SPMIP2: variants seen among roughly 807,000 people sequenced by gnomAD.
The protein encoded by SPMIP2 is sperm microtubule inner protein 2, also known as protein SPMIP2.
At chr4:158,932,335 G>A in the SPMIP2 span, among the ~76,000 whole-genome samples, 3 of 152,082 alleles carry the variant, frequency 2.0e-5, no homozygotes, top group Admixed American at 6.6e-5. Context: ...GCATAGAGGT[G>A]GGAACCTGTA....
the SPMIP2 span, among the ~76,000 whole-genome samples, chr4:159,043,015 T>C: frequency 6.6e-6 from 1 of 152,174 alleles, no homozygotes; most frequent in Non-Finnish European, 1.5e-5. Context: ...GGTCTTCTAT[T>C]GAATCCAGGG....
the SPMIP2 span, among the ~76,000 whole-genome samples, chr4:159,052,949 A>AT: frequency 6.0e-3 from 587 of 97,608 alleles, 4 homozygotes; most frequent in African/African-American, 0.021. Context: ...TATTATTATT[A>AT]TTATTATTTT....
chr4:158,938,739 G>T, the SPMIP2 span, among the ~76,000 whole-genome samples: 1 of 152,176 alleles, frequency 6.6e-6, no homozygotes, highest in East Asian at 1.9e-4. Context: ...TACTGCAAAA[G>T]GTTACTGTTG....
At chr4:158,978,168 C>CGTT in the SPMIP2 span, among the ~76,000 whole-genome samples, 1 of 152,112 alleles carries the variant, frequency 6.6e-6, no homozygotes, top group South Asian at 2.1e-4. Flanking sequence ...GCCTTCATTT[C>CGTT]GTTATTTACC....
chr4:158,994,165 G>C, the SPMIP2 span, among the ~76,000 whole-genome samples: 1 of 152,176 alleles, frequency 6.6e-6, no homozygotes, highest in Non-Finnish European at 1.5e-5. Context: ...GAGAAGAGTT[G>C]TATCTTATTT....
At chr4:158,904,387 T>G in the SPMIP2 span, 4 of 1,299,206 alleles carry the variant, frequency 3.1e-6, no homozygotes, top group Non-Finnish European at 4.4e-6. Flanking sequence ...AAATAATACT[T>G]TCTCATAAAA....
chr4:159,011,614 C>T, the SPMIP2 span, among the ~76,000 whole-genome samples: 1 of 151,850 alleles, frequency 6.6e-6, no homozygotes, highest in Non-Finnish European at 1.5e-5. Context: ...ACATGCCGGG[C>T]ATGGTGGCAC....
At chr4:158,979,690 A>G in the SPMIP2 span, among the ~76,000 whole-genome samples, 2 of 151,882 alleles carry the variant, frequency 1.3e-5, no homozygotes, top group African/African-American at 4.8e-5. Context: ...CACAACCCAC[A>G]GATCAGGAGA....
the SPMIP2 span, among the ~76,000 whole-genome samples, chr4:158,917,320 G>A: frequency 2.0e-5 from 3 of 149,486 alleles, no homozygotes; most frequent in South Asian, 2.1e-4. Flanking sequence ...CCAGCTACTC[G>A]GGAGGCCAAG....
At chr4:158,992,520 A>G in the SPMIP2 span, among the ~76,000 whole-genome samples, 1 of 151,850 alleles carries the variant, frequency 6.6e-6, no homozygotes, top group African/African-American at 2.4e-5. Context: ...TGTTCTGTGG[A>G]CTGCAGTAAG....
At chr4:159,011,753 C>CAAA in the SPMIP2 span, among the ~76,000 whole-genome samples, 2 of 129,650 alleles carry the variant, frequency 1.5e-5, no homozygotes, top group Non-Finnish European at 1.6e-5. Flanking sequence ...AAACTCCATC[C>CAAA]CAAAAAAAAA....
At chr4:159,042,212 C>T in the SPMIP2 span, among the ~76,000 whole-genome samples, 3 of 152,136 alleles carry the variant, frequency 2.0e-5, no homozygotes, top group African/African-American at 7.2e-5. Context: ...AAAAAATCAA[C>T]CTCCTTTCAA....
chr4:159,011,062 T>C, the SPMIP2 span, among the ~76,000 whole-genome samples: 8 of 152,260 alleles, frequency 5.3e-5, no homozygotes, highest in South Asian at 1.7e-3. Flanking sequence ...ACAGAGCTGA[T>C]TCCTGTTCCC....
chr4:159,042,661 T>A, the SPMIP2 span, among the ~76,000 whole-genome samples: 10 of 152,268 alleles, frequency 6.6e-5, no homozygotes, highest in Middle Eastern at 3.4e-3. Context: ...GTACTTTTTT[T>A]ATTTTGTTTT....
At chr4:159,065,797 T>C in the SPMIP2 span, among the ~76,000 whole-genome samples, 1 of 152,218 alleles carries the variant, frequency 6.6e-6, no homozygotes, top group Non-Finnish European at 1.5e-5. Flanking sequence ...TCTTAAGACA[T>C]TGTAATACAC....
At chr4:158,946,778 AATGATCAATCATGT>A in the SPMIP2 span, among the ~76,000 whole-genome samples, 1 of 152,190 alleles carries the variant, frequency 6.6e-6, no homozygotes, top group East Asian at 1.9e-4. Flanking sequence ...ATTGCAATTA[AATGATCAATCATGT>A]ATTAGGCTGT....
the SPMIP2 span, among the ~76,000 whole-genome samples, chr4:159,001,531 G>T: frequency 6.6e-6 from 1 of 151,996 alleles, no homozygotes; most frequent in Non-Finnish European, 1.5e-5. Flanking sequence ...GTAGGCTATT[G>T]TTCTCTTCTT....
At chr4:158,904,395 A>AAAAG in the SPMIP2 span, 1 of 1,373,174 alleles carries the variant, frequency 7.3e-7, no homozygotes, top group Non-Finnish European at 1.0e-6. Context: ...CTTTCTCATA[A>AAAAG]AAAGAAATAA....
chr4:158,900,727 G>C, the SPMIP2 span, among the ~76,000 whole-genome samples: 16 of 152,128 alleles, frequency 1.1e-4, no homozygotes, highest in Middle Eastern at 3.4e-3. Flanking sequence ...CTGTGTATGT[G>C]TTTGCACGTG....
Sources: allele counts gnomAD v4.1 joint callset (sites outside exome capture counted in the v4.1 genomes callset), GRCh38; gene constraint gnomAD v4.1.1; transcripts MANE v1.5; gene names NCBI Gene and HGNC (gene_info 2026-07-23, HGNC 2026-07-21).